The following KIAA0825 variants were observed in gnomAD, a reference collection of about 807,000 sequenced individuals.
The protein encoded by KIAA0825 is KIAA0825.
A neutral mutation model predicts 147.6 loss-of-function variants in KIAA0825; 119 were observed. That is an observed-to-expected ratio of 0.81 (90% CI 0.69 to 0.94). The LOEUF is 0.94. KIAA0825 is among the 40% of genes least tolerant of loss of function. The probability of loss-of-function intolerance (pLI) is 0.00; values close to 1 mark genes in which losing one functional copy is unlikely to be tolerated. For missense variants in KIAA0825, 1,381 were observed against 1,472.7 expected, an observed-to-expected ratio of 0.94 and a Z score of 1.02; for synonymous variants, 470 against 518.1, an observed-to-expected ratio of 0.91 and a Z score of 1.26.
chr5:94,394,906 G>A (rs1750432493), intron 17 of KIAA0825, among the ~76,000 whole-genome samples: 1 of 152,130 alleles, frequency 6.6e-6, no homozygotes, highest in Admixed American at 6.5e-5. Flanking sequence ...TCAGTATGAT[G>A]AGACCAGGAA....
At chr5:94,592,284 C>T (rs1328807400) in intron 1 of KIAA0825, among the ~76,000 whole-genome samples, 1 of 152,292 alleles carries the variant, frequency 6.6e-6, no homozygotes, top group Non-Finnish European at 1.5e-5. Context: ...TGGGTAAATA[C>T]ACCCATTCCA....
chr5:94,482,369 CAT>C (rs1018264228), intron 6 of KIAA0825, among the ~76,000 whole-genome samples: 9 of 152,020 alleles, frequency 5.9e-5, no homozygotes, highest in African/African-American at 2.2e-4. Context: ...TTCATCTGTT[CAT>C]ATGTTTGGGT....
chr5:94,299,881 AAAATGAGGGC>A (rs1404820071), intron 20 of KIAA0825, among the ~76,000 whole-genome samples: 1 of 151,986 alleles, frequency 6.6e-6, no homozygotes, highest in Non-Finnish European at 1.5e-5. Context: ...CCTCCTCTGG[AAAATGAGGGC>A]AAAGAAATAA....
intron 20 of KIAA0825, among the ~76,000 whole-genome samples, chr5:94,192,403 A>G (rs983715230): frequency 6.6e-6 from 1 of 152,212 alleles, no homozygotes. Context: ...GTTCAGACAT[A>G]TTACATATGA....
chr5:94,435,628 G>A (rs543941011), intron 14 of KIAA0825, among the ~76,000 whole-genome samples: 3 of 152,150 alleles, frequency 2.0e-5, no homozygotes, highest in African/African-American at 4.8e-5. Flanking sequence ...ATTCCTTTGG[G>A]TATATACCCA....
chr5:94,310,253 G>A (rs763854961), intron 20 of KIAA0825, among the ~76,000 whole-genome samples: 14 of 151,498 alleles, frequency 9.2e-5, no homozygotes, highest in Admixed American at 4.0e-4. Context: ...TTCACATTTT[G>A]CTCATTACAG....
At chr5:94,541,266 C>A (rs1773246325) in intron 2 of KIAA0825, among the ~76,000 whole-genome samples, 1 of 152,064 alleles carries the variant, frequency 6.6e-6, no homozygotes, top group Admixed American at 6.6e-5. Flanking sequence ...AGGCTCCACA[C>A]CTAGTACAAA....
At chr5:94,530,850 T>A (rs1218752371) in intron 3 of KIAA0825, among the ~76,000 whole-genome samples, 1 of 152,186 alleles carries the variant, frequency 6.6e-6, no homozygotes, top group Non-Finnish European at 1.5e-5. Context: ...TACTTCCCAC[T>A]GGCCCATTAA....
At chr5:94,474,176 G>T (rs556372191) in intron 7 of KIAA0825, among the ~76,000 whole-genome samples, 17 of 151,288 alleles carry the variant, frequency 1.1e-4, no homozygotes, top group Non-Finnish European at 1.3e-4. Context: ...GTGGTGGTTG[G>T]GGGGGTACTT....
chr5:94,274,039 C>T lies in KIAA0825; in HGVS notation c.3710+110329G>A, dbSNP rs182474868. Among the ~76,000 whole-genome samples, 4 of 152,110 alleles carry T rather than the reference C, an allele frequency of 2.6e-5. No individual in the cohort carries two copies. The East Asian group carries it at 7.7e-4, about 29-fold the overall frequency. Reference sequence around the variant, plus strand: ...ACATGGTGTGCTCTTTGATTTGAACCAATTTGAGAGTCAATAGCTAGAAGC... The same window carrying T: ...ACATGGTGTGCTCTTTGATTTGAACTAATTTGAGAGTCAATAGCTAGAAGC... On this transcript the variant is annotated intron_variant, in intron 20 of 20. Transcript: ENST00000682413.
chr5:94,235,495 C>A (rs114309089), intron 20 of KIAA0825, among the ~76,000 whole-genome samples: 156 of 152,304 alleles, frequency 1.0e-3, no homozygotes, highest in African/African-American at 3.7e-3. Flanking sequence ...GAAGCTGTTT[C>A]TATAGCATAA....
At position 94,220,027 on chromosome 5, in the gene KIAA0825, G is replaced by T. The variant is rs746736569; in HGVS notation, c.3711-65903C>A. 2.2e-4 allele frequency among the ~76,000 whole-genome samples: 33 copies of T among 152,182 alleles called. No homozygotes were observed. In the Middle Eastern group the frequency reaches 0.014, roughly 63 times the overall value. On this transcript the variant is annotated intron_variant, in intron 20 of 20. Transcript: ENST00000682413. ...TGACATTTTTAAACTTTTGACTCTT[G>T]TAATAACATTTAGCTTAAAACACAA... is the stretch of plus-strand genomic sequence containing the variant.
intron 7 of KIAA0825, among the ~76,000 whole-genome samples, chr5:94,476,232 T>G (rs1380844752): frequency 6.6e-6 from 1 of 152,126 alleles, no homozygotes; most frequent in East Asian, 1.9e-4. Flanking sequence ...CACTCAAGAT[T>G]TTTCAAAAGG....
intron 5 of KIAA0825, among the ~76,000 whole-genome samples, chr5:94,499,314 T>C (rs1420036042): frequency 1.3e-5 from 2 of 152,176 alleles, no homozygotes; most frequent in African/African-American, 4.8e-5. Context: ...ACATCCCTCA[T>C]GTTGAAATTC....
At chr5:94,190,649 T>C (rs1056505706) in intron 20 of KIAA0825, among the ~76,000 whole-genome samples, 1 of 152,090 alleles carries the variant, frequency 6.6e-6, no homozygotes, top group Non-Finnish European at 1.5e-5. Context: ...GTTCCTAGTT[T>C]ACTGAGTTTT....
At position 94,393,537 on chromosome 5, in the gene KIAA0825, G is replaced by T. The variant is rs188474589; in HGVS notation, c.3297-1843C>A. 3.3e-3 allele frequency among the ~76,000 whole-genome samples: 503 copies of T among 152,254 alleles called. 4 individuals carry two copies. Among genetic ancestry groups the T allele is most frequent in the South Asian group, 0.013 (61 of 4,824 alleles). ...TTCCATAAAATCAAAGTTAAATCTG[G>T]ATGCAAGTGAAAGGAATCTAGCTAA... On this transcript the variant is annotated intron_variant, in intron 17 of 20. Transcript: ENST00000682413.
At chr5:94,602,457 A>C (rs1387095713) in intron 1 of KIAA0825, among the ~76,000 whole-genome samples, 1 of 152,174 alleles carries the variant, frequency 6.6e-6, no homozygotes, top group East Asian at 1.9e-4. Flanking sequence ...GCAGTGATAT[A>C]GTTTGGCTGT....
intron 1 of KIAA0825, among the ~76,000 whole-genome samples, chr5:94,586,915 C>T (rs1783412979): frequency 6.6e-6 from 1 of 152,192 alleles, no homozygotes; most frequent in African/African-American, 2.4e-5. Context: ...TGTAATCCAT[C>T]ACAGAAACAG....
At chr5:94,580,058 A>T (rs955583382) in intron 2 of KIAA0825, among the ~76,000 whole-genome samples, 5 of 152,226 alleles carry the variant, frequency 3.3e-5, no homozygotes, top group Non-Finnish European at 7.3e-5. Flanking sequence ...TAGGAAAAGT[A>T]GAGTTAGGAC....
Sources: allele counts gnomAD v4.1 joint callset (sites outside exome capture counted in the v4.1 genomes callset), GRCh38; gene constraint gnomAD v4.1.1; transcripts MANE v1.5; gene names NCBI Gene and HGNC (gene_info 2026-07-23, HGNC 2026-07-21).